MLLT1: variants seen among roughly 807,000 people sequenced by gnomAD.
MLLT1 encodes MLLT1 super elongation complex subunit, also known as protein ENL.
MLLT1 carries 11 observed loss-of-function variants against 55.1 expected under a neutral mutation model. The observed-to-expected ratio is 0.20, with a 90% CI of 0.13 to 0.33. The LOEUF is 0.33. Ranked by LOEUF, MLLT1 falls within the 10% of genes least tolerant of loss-of-function variation. The pLI is 1.00. For synonymous variants in MLLT1, 323 were observed against 320.1 expected (o/e 1.01, Z -0.10); for missense variants, 536 against 760.6 (o/e 0.70, Z 3.47).
intron 1 of MLLT1, among the ~76,000 whole-genome samples, chr19:6,275,025 C>T (rs564654292): frequency 4.6e-4 from 70 of 152,356 alleles, no homozygotes; most frequent in Non-Finnish European, 8.2e-4. Flanking sequence ...TGGGCTACAG[C>T]GGCCGCCGCC....
intron 3 of MLLT1, among the ~76,000 whole-genome samples, chr19:6,252,630 T>TA (rs1568290644): frequency 6.6e-6 from 1 of 152,030 alleles, no homozygotes; most frequent in African/African-American, 2.4e-5. Flanking sequence ...CATTCAAAAA[T>TA]AAGAGTGACA....
intron 1 of MLLT1, among the ~76,000 whole-genome samples, chr19:6,276,485 A>G (rs2091428879): frequency 6.6e-6 from 1 of 152,166 alleles, no homozygotes; most frequent in Non-Finnish European, 1.5e-5. Flanking sequence ...AGGACCAGCA[A>G]GCAGCAATTC....
rs370664884 is a variant in MLLT1 at position 6,261,323 on chromosome 19, C to T, written c.276+905G>A. On this transcript the variant is annotated intron_variant, in intron 3 of 11. Transcript: ENST00000252674. ...CTGCACCGGCTGAAACGTCACCCGG[C>T]TCCTAGGACGGCCGCACGCCAAATG... is the stretch of plus-strand genomic sequence containing the variant. Among the ~76,000 whole-genome samples the T allele has an allele frequency of 6.6e-5, 10 of 152,352 alleles. No homozygotes were observed. The East Asian group carries it at 1.7e-3, about 26-fold the overall frequency.
intron 3 of MLLT1, among the ~76,000 whole-genome samples, chr19:6,246,732 C>T (rs184148626): frequency 6.6e-6 from 1 of 152,210 alleles, no homozygotes; most frequent in East Asian, 1.9e-4. Context: ...CCAGAGTAAA[C>T]GTCACGGAAT....
Position 6,222,695 on chromosome 19 carries a change from A to C in MLLT1, c.547-11T>G, listed in dbSNP as rs1436990098. On this transcript the variant is annotated splice_polypyrimidine_tract_variant and intron_variant, in intron 5 of 11. Coordinates refer to ENST00000252674, the MANE Select transcript of MLLT1 (RefSeq NM_005934.4). This position sits in a 1 kb window ranked among gnomAD's most constrained non-coding sequence, Gnocchi z 4.1. ...CTCCTTGTTGGCGTCCTGCAAGGCC[A>C]AGAGCAGGGAGGGCAAGGGGAGAGA... is the stretch of plus-strand genomic sequence containing the variant. The C allele has an allele frequency of 7.9e-6, 12 of 1,512,886 alleles. No homozygotes were observed. In the African/African-American group the frequency reaches 1.7e-4, roughly 21 times the overall value. The allele number at this position is 1,512,886 out of a possible 1,614,324, so 93.7% of individuals were successfully genotyped here. A position where few individuals can be genotyped will look rare whatever the true frequency, so the allele number is the denominator to read the frequency against.
chr19:6,228,675 G>A (rs1019153053), intron 4 of MLLT1, among the ~76,000 whole-genome samples: 7 of 152,156 alleles, frequency 4.6e-5, no homozygotes, highest in Non-Finnish European at 7.4e-5. Flanking sequence ...GGGGGGCTGG[G>A]GTCACCTGCT....
Position 6,227,072 on chromosome 19 carries a change from C to T in MLLT1, c.451G>A (p.Val151Met), listed in dbSNP as rs2090963228. ...VMVMPEGADTVSRPSPDYPML... is the reference protein window; with the variant it reads ...VMVMPEGADTMSRPSPDYPML... ...GGGTAGTCGGGACTGGGCCTGGACA[C>T]CGTGTCTGCTCCTTCGGGCATTACC... Residue 151 changes from valine to methionine, a missense_variant, in exon 5 of 12, where the codon GTG (valine) becomes ATG (methionine). Transcript: ENST00000252674. This position sits in a 1 kb window ranked among gnomAD's most constrained non-coding sequence, Gnocchi z 5.1. 2 of 1,603,754 alleles carry T rather than the reference C, an allele frequency of 1.2e-6. No individual in the cohort carries two copies. The highest frequency in any genetic ancestry group is 1.7e-6 in the Non-Finnish European group (2 of 1,176,192).
intron 3 of MLLT1, among the ~76,000 whole-genome samples, chr19:6,233,423 T>C (rs1344541744): frequency 6.6e-6 from 1 of 152,068 alleles, no homozygotes; most frequent in Non-Finnish European, 1.5e-5. Context: ...AAAGCCCTGA[T>C]CTCAGAAAAG....
intron 3 of MLLT1, among the ~76,000 whole-genome samples, chr19:6,241,032 G>A (rs1290570685): frequency 6.6e-6 from 1 of 152,200 alleles, no homozygotes; most frequent in Non-Finnish European, 1.5e-5. Flanking sequence ...ATGGCAGTTT[G>A]AAATCTGGAC....
At position 6,230,604 on chromosome 19, in the gene MLLT1, G is replaced by A. The variant is rs1415690078; in HGVS notation, c.386C>T (p.Thr129Met). 3.1e-6 allele frequency: 5 copies of A among 1,613,894 alleles called. No individual in the cohort carries two copies. The highest frequency in any genetic ancestry group is 4.2e-6 in the Non-Finnish European group (5 of 1,180,024). ...CCGCAGGAGCTTGTACCGGAACTCC[G>A]TGGTGGGGTTGTTGAAGGTGAGCTT... ...CEKLTFNNPT[T>M]EFRYKLLRAG... is the part of the protein sequence containing the mutation. Residue 129 changes from threonine (T) to methionine (M), a missense_variant, in exon 4 of 12, where the codon ACG (threonine) becomes ATG (methionine). By Grantham distance (81) the Thr-to-Met change is moderately conservative. Transcript: ENST00000252674. The surrounding 1 kb of genome is among the most constrained non-coding windows in gnomAD (Gnocchi z 9.0).
At position 6,227,037 on chromosome 19, in the gene MLLT1, G is replaced by A. The variant is rs2090962986; in HGVS notation, c.486C>T (p.Pro162=). Reference sequence around the variant, plus strand: ...CAGAGAAGGCAGAGAGTGGAATTGTGGGTAACATGGGGTAGTCGGGACTGG... The same window carrying A: ...CAGAGAAGGCAGAGAGTGGAATTGTAGGTAACATGGGGTAGTCGGGACTGG... ...SRPSPDYPML[P]TIPLSAFSDP... Residue 162 remains proline, a synonymous_variant, in exon 5 of 12, where the codon CCC becomes CCT. Coordinates refer to ENST00000252674, the MANE Select transcript of MLLT1 (RefSeq NM_005934.4). This position sits in a 1 kb window ranked among gnomAD's most constrained non-coding sequence, Gnocchi z 5.1. 4 of 1,607,466 alleles carry A rather than the reference G, an allele frequency of 2.5e-6. No individual in the cohort carries two copies. Among genetic ancestry groups the A allele is most frequent in the Non-Finnish European group, 3.4e-6 (4 of 1,177,444 alleles).
intron 3 of MLLT1, among the ~76,000 whole-genome samples, chr19:6,238,412 T>C (rs1180315135): frequency 6.6e-6 from 1 of 152,380 alleles, no homozygotes; most frequent in East Asian, 1.9e-4. Flanking sequence ...GTAGACGTGA[T>C]GTCTAGGACC....
intron 1 of MLLT1, among the ~76,000 whole-genome samples, chr19:6,272,246 GCACACGTGCA>G (rs891565805): frequency 5.3e-5 from 8 of 152,148 alleles, no homozygotes; most frequent in Non-Finnish European, 1.0e-4. Flanking sequence ...GCACACAGGC[GCACACGTGCA>G]CACACAGACA....
At chr19:6,213,678 C>T in intron 10 of MLLT1, 48 bp downstream of exon 10, 2 of 1,034,276 alleles carry the variant, frequency 1.9e-6, no homozygotes, top group Non-Finnish European at 3.0e-6. Flanking sequence ...CAACTCCCAC[C>T]ACCCACCCCT....
chr19:6,214,016 T>C lies in MLLT1; in HGVS notation c.1330A>G (p.Ser444Gly). ...AGGGAGGAGTCGGCGCTGTTGTCACTCTCGCTGTCGCTGAAGCTCAACCTG... is the reference window on the plus strand; with the variant it reads ...AGGGAGGAGTCGGCGCTGTTGTCACCCTCGCTGTCGCTGAAGCTCAACCTG... ...DSRLSFSDSE[S>G]DNSADSSLPS... is the part of the protein sequence containing the mutation. Residue 444 changes from serine (S) to glycine (G), a missense_variant, in exon 9 of 12, where the codon AGT becomes GGT. Around this residue, in one of 3 missense-constraint regions of MLLT1, gnomAD observed 449 missense variants for 489.0 expected, o/e 0.92. Coordinates refer to ENST00000252674, the MANE Select transcript of MLLT1 (RefSeq NM_005934.4). 7.0e-7 allele frequency: 1 copy of C among 1,438,690 alleles called. No individual in the cohort carries two copies. The highest frequency in any genetic ancestry group is 9.1e-7 in the Non-Finnish European group (1 of 1,096,800). 89.1% of individuals were successfully genotyped at this position (1,438,690 alleles called of 1,614,324 possible).
Position 6,213,730 on chromosome 19 carries a change from T to C in MLLT1, c.1475A>G (p.Asp492Gly). ...TTGTCGTAGGTGCCCCCCCACCTTG[T>C]CGTAGGTGCCCTTCTTGAGGATCTT... ...PEKILKKGTY[D>G]KAYTDELVEL... The change falls in exon 10 of 12, where the codon GAC becomes GGC. Residue 492 changes from aspartate to glycine, a missense_variant. Coordinates refer to ENST00000252674, the MANE Select transcript of MLLT1 (RefSeq NM_005934.4). 3.7e-6 allele frequency: 6 copies of C among 1,606,972 alleles called. No homozygotes were observed. The highest frequency in any genetic ancestry group is 5.1e-6 in the Non-Finnish European group (6 of 1,176,568).
intron 5 of MLLT1, among the ~76,000 whole-genome samples, chr19:6,224,376 A>T (rs2090933688): frequency 6.6e-6 from 1 of 152,142 alleles, no homozygotes; most frequent in Non-Finnish European, 1.5e-5. Context: ...TCCCCTTGGG[A>T]GCTGGGGTGT....
At chr19:6,228,768 G>A (rs1329168140) in intron 4 of MLLT1, among the ~76,000 whole-genome samples, 4 of 152,132 alleles carry the variant, frequency 2.6e-5, no homozygotes, top group African/African-American at 9.7e-5. Flanking sequence ...AAGGCTGAGA[G>A]CCCCACTCCA....
chr19:6,218,013 C>G lies in MLLT1; in HGVS notation c.1139G>C (p.Ser380Thr), dbSNP rs138601995. ...GTCTGAGCTGGAGTCTGAGCTGGAG[C>G]TGGAGTTGGACGGGCTTGACTGGGC... is the stretch of plus-strand genomic sequence containing the variant. ...ESAQSSPSNS[S>T]SSSDSSSDSD... The change falls in exon 7 of 12, where the codon AGC (serine) becomes ACC (threonine). Residue 380 changes from serine to threonine, a missense_variant. This residue lies in a region of MLLT1 where 449 missense variants were observed against 489.0 expected (regional missense o/e 0.92). Transcript: ENST00000252674. 2.2e-5 allele frequency: 35 copies of G among 1,609,368 alleles called. No homozygotes were observed. In the African/African-American group the frequency reaches 4.6e-4, roughly 21 times the overall value.
Sources: gnomAD v4.1 joint callset for allele counts (sites outside exome capture counted in the v4.1 genomes callset) on GRCh38, gnomAD v4.1.1 for gene constraint, gnomAD v4.1.1 regional missense constraint, Gnocchi (gnomAD v3.1) non-coding constraint, MANE v1.5 for transcripts, NCBI Gene and HGNC (gene_info 2026-07-23, HGNC 2026-07-21) for gene names.